DDX6: variants seen among roughly 807,000 people sequenced by gnomAD.
DDX6 encodes the protein probable ATP-dependent RNA helicase DDX6.
DDX6 carries 7 observed loss-of-function variants against 60.6 expected under a neutral mutation model. The ratio of observed to expected loss-of-function variants is 0.12; its 90% CI spans 0.07 to 0.22. DDX6 has a LOEUF of 0.22. Among genes scored for constraint, DDX6 ranks in the 10% least tolerant of loss-of-function variants. DDX6 has a pLI of 1.00. For synonymous variants in DDX6, 207 were observed against 201.0 expected (o/e 1.03, Z -0.25); for missense variants, 270 against 589.9 (o/e 0.46, Z 5.62).
chr11:118,776,494 G>C (rs1215527353), intron 4 of DDX6, among the ~76,000 whole-genome samples: 1 of 152,156 alleles, frequency 6.6e-6, no homozygotes, highest in Admixed American at 6.6e-5. Flanking sequence ...CTAAGTACTA[G>C]AGATAAAAGT....
chr11:118,781,166 T>C lies in DDX6; in HGVS notation c.219A>G (p.Lys73=), dbSNP rs782126165. The change falls in exon 3 of 14, where the codon AAA becomes AAG. Residue 73 remains lysine, a synonymous_variant. Coordinates refer to ENST00000534980, the MANE Select transcript of DDX6 (RefSeq NM_004397.6). Reference sequence around the variant, plus strand: ...CCTTTGGAGGGAGTTTTAAAGTCTTTTTCCAGTCATCACCAGGTCTAGAGA... The same window carrying C: ...CCTTTGGAGGGAGTTTTAAAGTCTTCTTCCAGTCATCACCAGGTCTAGAGA... The part of the protein sequence containing the change: ...TTTIKPGDDW[K]KTLKLPPKDL... 9 of 1,605,346 alleles carry C rather than the reference T, an allele frequency of 5.6e-6. No individual in the cohort carries two copies. The highest frequency in any genetic ancestry group is 1.3e-5 in the African/African-American group (1 of 74,830).
At chr11:118,754,220 AGGAGTTCT>A (rs2137409021) in intron 13 of DDX6, among the ~76,000 whole-genome samples, 1 of 152,326 alleles carries the variant, frequency 6.6e-6, no homozygotes, top group South Asian at 2.1e-4. Flanking sequence ...GCTGGAGTTC[AGGAGTTCT>A]GGACCAGCCT....
intron 2 of DDX6, among the ~76,000 whole-genome samples, chr11:118,783,161 T>C (rs1397607428): frequency 2.0e-5 from 3 of 152,032 alleles, no homozygotes; most frequent in Non-Finnish European, 4.4e-5. Flanking sequence ...GAGGACTTCA[T>C]GGAAGAGAGG....
At chr11:118,767,171 A>G (rs1227883097) in intron 5 of DDX6, among the ~76,000 whole-genome samples, 1 of 151,822 alleles carries the variant, frequency 6.6e-6, no homozygotes, top group Non-Finnish European at 1.5e-5. Flanking sequence ...TACAGGCGTG[A>G]GCCACCACAC....
At chr11:118,780,268 C>T (rs1308015107) in intron 3 of DDX6, among the ~76,000 whole-genome samples, 3 of 152,022 alleles carry the variant, frequency 2.0e-5, no homozygotes, top group Non-Finnish European at 2.9e-5. Flanking sequence ...TGCTTTGACA[C>T]ACAAGCTTTT....
At chr11:118,779,942 T>TC (rs1384407286) in intron 3 of DDX6, among the ~76,000 whole-genome samples, 1 of 151,440 alleles carries the variant, frequency 6.6e-6, no homozygotes, top group Non-Finnish European at 1.5e-5. Context: ...ATGGTGAAAC[T>TC]CCAACTCCAC....
chr11:118,782,649 T>C (rs1861937983), intron 2 of DDX6, among the ~76,000 whole-genome samples: 1 of 151,740 alleles, frequency 6.6e-6, no homozygotes, highest in African/African-American at 2.4e-5. Context: ...TAAAGCCTTT[T>C]TTTTTTTTTT....
intron 4 of DDX6, among the ~76,000 whole-genome samples, chr11:118,774,383 T>C (rs998242058): frequency 1.3e-5 from 2 of 152,052 alleles, no homozygotes; most frequent in African/African-American, 4.8e-5. Context: ...GGGAGCAATC[T>C]GTAGTATATC....
At chr11:118,786,787 G>C (rs1373115160) in intron 1 of DDX6, 1 of 153,144 alleles carries the variant, frequency 6.5e-6, no homozygotes, top group East Asian at 1.9e-4. Context: ...AGCACTACTC[G>C]TCAATGATAA....
chr11:118,779,156 C>A (rs369166474), intron 4 of DDX6, among the ~76,000 whole-genome samples: 1,788 of 125,084 alleles, frequency 0.014, 5 homozygotes, highest in Non-Finnish European at 0.015. Flanking sequence ...ACCCAGTTGC[C>A]AAAAAAAAAA....
intron 4 of DDX6, among the ~76,000 whole-genome samples, chr11:118,768,728 G>A (rs558269776): frequency 1.3e-5 from 2 of 152,130 alleles, no homozygotes; most frequent in African/African-American, 4.8e-5. Flanking sequence ...TTGGAAAAAT[G>A]GCCAGGCACA....
chr11:118,755,519 A>G lies in DDX6; in HGVS notation c.1175-16T>C, dbSNP rs781997849. ...GTAAACAGATCTTAAAAAAAAAAAG[A>G]TAATTTTCATTTTTTCAATTTAGAA... On this transcript the variant is annotated splice_polypyrimidine_tract_variant and intron_variant, in intron 11 of 13. Coordinates refer to ENST00000534980, the MANE Select transcript of DDX6 (RefSeq NM_004397.6). The G allele has an allele frequency of 7.2e-6, 10 of 1,381,114 alleles. No individual in the cohort carries two copies. Among genetic ancestry groups the G allele is most frequent in the Middle Eastern group, 1.8e-4 (1 of 5,572 alleles). 85.6% of individuals were successfully genotyped at this position (1,381,114 alleles called of 1,614,324 possible).
intron 10 of DDX6, 147 bp downstream of exon 10, chr11:118,757,024 T>C (rs1861001193): frequency 9.0e-6 from 4 of 444,464 alleles, no homozygotes; most frequent in Admixed American, 8.6e-5. Flanking sequence ...TGCTAGAAAA[T>C]TGAACCTGAG....
Position 118,748,477 on chromosome 11 carries a change from G to A in DDX6, c.*3628C>T, listed in dbSNP as rs1860635770. The A allele has an allele frequency of 6.6e-6, 1 of 152,142 alleles. No individual in the cohort carries two copies. The highest frequency in any genetic ancestry group is 1.5e-5 in the Non-Finnish European group (1 of 68,026). The allele number at this position is 152,142 out of a possible 1,614,324, so 9.4% of individuals were successfully genotyped here. A position where few individuals can be genotyped will look rare whatever the true frequency, so the allele number is the denominator to read the frequency against. Reference sequence around the variant, plus strand: ...AAAGCTGACTTACTTCAGCTCTCATGAGGCCAATAATTTTGATAAAGGTAT... The same window carrying A: ...AAAGCTGACTTACTTCAGCTCTCATAAGGCCAATAATTTTGATAAAGGTAT... On this transcript the variant is annotated 3_prime_UTR_variant, in exon 14 of 14. Coordinates refer to ENST00000534980, the MANE Select transcript of DDX6 (RefSeq NM_004397.6).
At chr11:118,790,889 A>C (rs1252440445) in intron 1 of DDX6, 1 of 152,436 alleles carries the variant, frequency 6.6e-6, no homozygotes, top group Admixed American at 6.6e-5. Context: ...TGTCCTACCA[A>C]CGAGGCCACT....
chr11:118,776,670 TA>T (rs1482804458), intron 4 of DDX6, among the ~76,000 whole-genome samples: 2 of 151,716 alleles, frequency 1.3e-5, no homozygotes, highest in Admixed American at 6.6e-5. Flanking sequence ...CCATCTCTAC[TA>T]AAACACAAAA....
At chr11:118,758,048 TAAACA>T (rs1555159371) in intron 9 of DDX6, among the ~76,000 whole-genome samples, 1 of 152,190 alleles carries the variant, frequency 6.6e-6, no homozygotes, top group African/African-American at 2.4e-5. Context: ...GTATGAGAGC[TAAACA>T]AGAGGACAGA....
In DDX6 at chr11:118,751,089, A is replaced by ATATG. The variant is rs1387520796; in HGVS notation, c.*1015_*1016insCATA. The ATATG allele has an allele frequency of 1.3e-5, 1 of 75,656 alleles. No homozygotes were observed. Among genetic ancestry groups the ATATG allele is most frequent in the Admixed American group, 1.6e-4 (1 of 6,092 alleles). 4.7% of individuals were successfully genotyped at this position (75,656 alleles called of 1,614,324 possible). ...TATGTATATATATATATATATATGA[A>ATATG]CCCAGAAAAAAAACTTATTTACAAA... On this transcript the variant is annotated 3_prime_UTR_variant, in exon 14 of 14. Transcript: ENST00000534980.
rs534073806 is a variant in DDX6, at chr11:118,766,488, A to T, written c.500-1133T>A. Reference sequence around the variant, plus strand: ...AAAAAGTTGAATCATTACACAGGACATTATGAAAACTCAAATGTACAAATC... The same window carrying T: ...AAAAAGTTGAATCATTACACAGGACTTTATGAAAACTCAAATGTACAAATC... On this transcript the variant is annotated intron_variant, in intron 5 of 13. Transcript: ENST00000534980. 6.6e-5 allele frequency among the ~76,000 whole-genome samples: 10 copies of T among 152,290 alleles called. No individual in the cohort carries two copies. The South Asian group carries it at 1.9e-3, about 28-fold the overall frequency.
Sources: allele counts gnomAD v4.1 joint callset (sites outside exome capture counted in the v4.1 genomes callset), GRCh38; gene constraint gnomAD v4.1.1; transcripts MANE v1.5; gene names NCBI Gene and HGNC (gene_info 2026-07-23, HGNC 2026-07-21).